The following KPNB1 variants were observed in gnomAD, a reference collection of about 807,000 sequenced individuals.
KPNB1 encodes importin subunit beta-1.
A neutral mutation model predicts 113.0 loss-of-function variants in KPNB1; 7 were observed. The ratio of observed to expected loss-of-function variants is 0.06; its 90% CI spans 0.04 to 0.12. The LOEUF (loss-of-function observed/expected upper bound fraction) is 0.12. Ranked by LOEUF, KPNB1 falls within the 10% of genes least tolerant of loss-of-function variation. The pLI is 1.00. For missense variants in KPNB1, 400 were observed against 1,054.8 expected, an observed-to-expected ratio of 0.38 and a Z score of 8.60; for synonymous variants, 363 against 378.6, an observed-to-expected ratio of 0.96 and a Z score of 0.48.
At chr17:47,672,981 A>G (rs775356431) in intron 12 of KPNB1, 37 bp from the exon 13 acceptor site, 4 of 1,589,338 alleles carry the variant, frequency 2.5e-6, no homozygotes, top group South Asian at 2.3e-5. Flanking sequence ...TGTCCTTTTC[A>G]TTTGAGGCTT....
Position 47,674,710 on chromosome 17 carries a change from A to T in KPNB1, c.1840A>T (p.Met614Leu). The T allele has an allele frequency of 5.6e-6, 9 of 1,614,214 alleles. No individual in the cohort carries two copies. The highest frequency in any genetic ancestry group is 1.7e-5 in the Admixed American group (1 of 60,036). Residue 614 changes from methionine (M) to leucine (L), a missense_variant, in exon 15 of 22, where the codon ATG becomes TTG. This residue lies in a region of KPNB1 where 115 missense variants were observed against 427.9 expected (regional missense o/e 0.27). Coordinates refer to ENST00000290158, the MANE Select transcript of KPNB1 (RefSeq NM_002265.6). ...SDVVMASLLR[M>L]FQSTAGSGGV... Reference sequence around the variant, plus strand: ...TGTGGTTATGGCCTCCCTGTTAAGGATGTTCCAAAGCACAGCTGGGTCTGG... The same window carrying T: ...TGTGGTTATGGCCTCCCTGTTAAGGTTGTTCCAAAGCACAGCTGGGTCTGG...
At position 47,653,271 on chromosome 17, in the gene KPNB1, A is replaced by ATTT. The variant is rs3067142; in HGVS notation, c.282+414_282+416dup. Among the ~76,000 whole-genome samples the ATTT allele has an allele frequency of 5.3e-3, 581 of 109,826 alleles. 30 individuals carry two copies. The highest frequency in any genetic ancestry group is 9.8e-3 in the African/African-American group (264 of 26,964). 72.1% of individuals were successfully genotyped at this position (109,826 alleles called of 152,430 possible). ...GTACTTCTGGAGTACAGCTCAGGGA[A>ATTT]TTTTTTTTTTTTTTTTTTTTTGGAG... is the stretch of plus-strand genomic sequence containing the variant. On this transcript the variant is annotated intron_variant, in intron 3 of 21. Coordinates refer to ENST00000290158, the MANE Select transcript of KPNB1 (RefSeq NM_002265.6).
At chr17:47,653,423 G>A (rs968675054) in intron 3 of KPNB1, among the ~76,000 whole-genome samples, 1 of 151,994 alleles carries the variant, frequency 6.6e-6, no homozygotes, top group Admixed American at 6.6e-5. Flanking sequence ...TGTACTTGAA[G>A]TAGAGACGGG....
Position 47,678,355 on chromosome 17 carries a change from C to T in KPNB1, c.2295C>T (p.Cys765=), listed in dbSNP as rs774506767. The change falls in exon 19 of 22, where the codon TGC becomes TGT. Residue 765 remains cysteine, a synonymous_variant. Transcript: ENST00000290158. ...VDYLNELRES[C]LEAYTGIVQG... ...ATCTGAATGAGCTAAGGGAAAGCTG[C>T]TTGGAAGCCTATACTGGAATCGTCC... is the stretch of plus-strand genomic sequence containing the variant. The T allele has an allele frequency of 1.2e-6, 2 of 1,614,140 alleles. No individual in the cohort carries two copies. The highest frequency in any genetic ancestry group is 4.5e-5 in the East Asian group (2 of 44,886).
At position 47,650,028 on chromosome 17, in the gene KPNB1, A is replaced by C; in HGVS notation, c.-217A>C. ...CCCCCAGGGTCCCTCCCCCGCCGCC[A>C]GCAGCCCATTTGGAGGGAGGAAGTA... On this transcript the variant is annotated 5_prime_UTR_variant, in exon 1 of 22. Transcript: ENST00000290158. 2.3e-6 allele frequency: 3 copies of C among 1,326,284 alleles called. No homozygotes were observed. Among genetic ancestry groups the C allele is most frequent in the East Asian group, 3.2e-5 (1 of 31,744 alleles). The allele number at this position is 1,326,284 out of a possible 1,614,324, so 82.2% of individuals were successfully genotyped here. A position where few individuals can be genotyped will look rare whatever the true frequency, so the allele number is the denominator to read the frequency against.
chr17:47,676,202 C>T (rs187997979), intron 15 of KPNB1, among the ~76,000 whole-genome samples: 3 of 152,164 alleles, frequency 2.0e-5, no homozygotes, highest in Admixed American at 1.3e-4. Flanking sequence ...GTCTCTGTGG[C>T]GTATGAATTA....
intron 12 of KPNB1, among the ~76,000 whole-genome samples, chr17:47,671,213 C>A (rs745355325): frequency 8.5e-5 from 13 of 152,076 alleles, no homozygotes; most frequent in Non-Finnish European, 1.8e-4. Context: ...GCTGAGACTG[C>A]GCCATTGCAC....
intron 2 of KPNB1, 47 bp downstream of exon 2, chr17:47,650,491 G>C: frequency 6.4e-7 from 1 of 1,556,890 alleles, no homozygotes; most frequent in Non-Finnish European, 8.7e-7. Context: ...CCCATCCCCT[G>C]CGTGCGGGGC....
chr17:47,671,291 G>A (rs1019109959), intron 12 of KPNB1, among the ~76,000 whole-genome samples: 4 of 152,128 alleles, frequency 2.6e-5, no homozygotes, highest in Admixed American at 1.3e-4. Flanking sequence ...TGATTGGTTT[G>A]TTTAAAGATG....
intron 15 of KPNB1, among the ~76,000 whole-genome samples, chr17:47,675,245 A>G (rs1416428542): frequency 6.6e-6 from 1 of 152,130 alleles, no homozygotes; most frequent in South Asian, 2.1e-4. Flanking sequence ...TTACTGGGGC[A>G]TGAGTCACTT....
intron 4 of KPNB1, 73 bp downstream of exon 4, chr17:47,657,133 A>G (rs2029933336): frequency 3.3e-6 from 4 of 1,225,736 alleles, no homozygotes; most frequent in East Asian, 2.5e-5. Context: ...TGATATTAGT[A>G]CTACCTTATT....
chr17:47,669,828 G>A lies in KPNB1; in HGVS notation c.1375G>A (p.Gly459Ser). Residue 459 changes from glycine (G) to serine (S), a missense_variant, in exon 11 of 22, where the codon GGT (glycine) becomes AGT (serine). By Grantham distance (56) the Gly-to-Ser change is moderately conservative. This residue lies in a region of KPNB1 where 285 missense variants were observed against 627.0 expected (regional missense o/e 0.45). Coordinates refer to ENST00000290158, the MANE Select transcript of KPNB1 (RefSeq NM_002265.6). Reference protein sequence around the residue: ...LAPLLQCLIEGLSAEPRVASN... With the variant: ...LAPLLQCLIESLSAEPRVASN... Reference sequence around the variant, plus strand: ...TCCCCTGCTACAGTGTCTGATTGAGGGTCTCAGTGCTGAACCCAGAGTGGC... The same window carrying A: ...TCCCCTGCTACAGTGTCTGATTGAGAGTCTCAGTGCTGAACCCAGAGTGGC... The A allele has an allele frequency of 1.2e-6, 2 of 1,613,866 alleles. No homozygotes were observed. Among genetic ancestry groups the A allele is most frequent in the Non-Finnish European group, 1.7e-6 (2 of 1,179,758 alleles).
chr17:47,664,828 T>C (rs1022635719), intron 8 of KPNB1, among the ~76,000 whole-genome samples: 17 of 152,282 alleles, frequency 1.1e-4, no homozygotes, highest in South Asian at 6.2e-4. Flanking sequence ...ATTGAACTTA[T>C]GAAAAAAAAG....
chr17:47,657,173 A>G (rs2029934296), intron 4 of KPNB1, 113 bp downstream of exon 4: 3 of 879,990 alleles, frequency 3.4e-6, no homozygotes, highest in Non-Finnish European at 5.4e-6. Flanking sequence ...GCTAAATTGC[A>G]CAGTTTTGAA....
Position 47,663,113 on chromosome 17 carries a change from C to A in KPNB1, c.721C>A (p.Leu241Met). 1.9e-6 allele frequency: 3 copies of A among 1,596,960 alleles called. No individual in the cohort carries two copies. The highest frequency in any genetic ancestry group is 2.6e-6 in the Non-Finnish European group (3 of 1,164,548). Reference protein sequence around the residue: ...TRVRVAALQNLVKIMSLYYQY... With the variant: ...TRVRVAALQNMVKIMSLYYQY... Reference sequence around the variant, plus strand: ...GGTACGAGTGGCTGCTTTACAGAATCTGGTGAAGATAATGTCCTTATATTA... The same window carrying A: ...GGTACGAGTGGCTGCTTTACAGAATATGGTGAAGATAATGTCCTTATATTA... The change falls in exon 7 of 22, where the codon CTG (leucine) becomes ATG (methionine). Residue 241 changes from leucine (L) to methionine (M), a missense_variant. By Grantham distance (15) the Leu-to-Met change is conservative. This residue lies in a region of KPNB1 where 285 missense variants were observed against 627.0 expected (regional missense o/e 0.45). Coordinates refer to ENST00000290158, the MANE Select transcript of KPNB1 (RefSeq NM_002265.6).
In KPNB1 at chr17:47,682,708, C is replaced by A; in HGVS notation, c.*304C>A. 2.4e-6 allele frequency: 1 copy of A among 424,662 alleles called. No homozygotes were observed. The highest frequency in any genetic ancestry group is 2.9e-5 in the South Asian group (1 of 34,330). The allele number at this position is 424,662 out of a possible 1,614,324, so 26.3% of individuals were successfully genotyped here. On this transcript the variant is annotated 3_prime_UTR_variant, in exon 22 of 22. Transcript: ENST00000290158. Reference sequence around the variant, plus strand: ...AAAAAAAGAAAGAAAGTTATCTCTTCCCAGGAGAGGCTAGAAGTAGCTTTT... The same window carrying A: ...AAAAAAAGAAAGAAAGTTATCTCTTACCAGGAGAGGCTAGAAGTAGCTTTT...
At chr17:47,652,584 A>G (rs1915610716) in intron 2 of KPNB1, 110 bp from the exon 3 acceptor site, 4 of 750,044 alleles carry the variant, frequency 5.3e-6, no homozygotes, top group East Asian at 2.9e-5. Context: ...AAAATTAGAC[A>G]TTAGTTCCCC....
intron 5 of KPNB1, among the ~76,000 whole-genome samples, chr17:47,660,132 C>A (rs2030048778): frequency 6.6e-6 from 1 of 152,146 alleles, no homozygotes; most frequent in African/African-American, 2.4e-5. Context: ...CCTTTCTCAG[C>A]CACTGGTAAC....
Position 47,650,416 on chromosome 17 carries a change from T to A in KPNB1, c.71T>A (p.Phe24Tyr). The A allele has an allele frequency of 1.2e-6, 2 of 1,609,326 alleles. No homozygotes were observed. The highest frequency in any genetic ancestry group is 1.7e-6 in the Non-Finnish European group (2 of 1,178,854). ...CTGGAGCTGGAAGCGGCGCAGAAGT[T>A]CCTGGAGCGTGCGGCCGTGGAGAAC... Reference protein sequence around the residue: ...DRLELEAAQKFLERAAVENLP... With the variant: ...DRLELEAAQKYLERAAVENLP... The change falls in exon 2 of 22, where the codon TTC becomes TAC. Residue 24 changes from phenylalanine (F) to tyrosine (Y), a missense_variant. Phe to Tyr is a conservative substitution (Grantham distance 22). Coordinates refer to ENST00000290158, the MANE Select transcript of KPNB1 (RefSeq NM_002265.6).
Sources: allele counts gnomAD v4.1 joint callset (sites outside exome capture counted in the v4.1 genomes callset), GRCh38; gene constraint gnomAD v4.1.1; regional missense constraint gnomAD v4.1.1; transcripts MANE v1.5; gene names NCBI Gene and HGNC (gene_info 2026-07-23, HGNC 2026-07-21).